The following ENTPD1 variants were observed in gnomAD, a reference collection of about 807,000 sequenced individuals.
ENTPD1 encodes ATP diphosphohydrolase.
ENTPD1 carries 33 observed loss-of-function variants against 57.0 expected under a neutral mutation model. The ratio of observed to expected loss-of-function variants is 0.58; its 90% CI spans 0.44 to 0.77. The LOEUF is 0.77. Ranked by LOEUF, ENTPD1 falls within the 30% of genes least tolerant of loss-of-function variation. The pLI is 0.00. For synonymous variants in ENTPD1, 202 were observed against 218.8 expected (o/e 0.92, Z 0.68); for missense variants, 501 against 603.4 (o/e 0.83, Z 1.78).
intron 4 of ENTPD1, among the ~76,000 whole-genome samples, chr10:95,844,147 C>T (rs1035269709): frequency 2.6e-5 from 4 of 152,072 alleles, no homozygotes; most frequent in African/African-American, 9.7e-5. Context: ...CAAACCATAC[C>T]CAGCTATCAC....
intron 2 of ENTPD1, among the ~76,000 whole-genome samples, chr10:95,824,528 C>A (rs752316596): frequency 6.6e-6 from 1 of 152,214 alleles, no homozygotes; most frequent in Admixed American, 6.5e-5. Context: ...GGGTCGCTTG[C>A]CTTTTAATGT....
chr10:95,828,093 A>G (rs546442847), intron 2 of ENTPD1, among the ~76,000 whole-genome samples: 1 of 152,306 alleles, frequency 6.6e-6, no homozygotes, highest in East Asian at 1.9e-4. Context: ...ATGGACCAGT[A>G]CAGCAGGAGG....
intron 1 of ENTPD1, among the ~76,000 whole-genome samples, chr10:95,775,247 T>TA (rs1319075057): frequency 1.3e-5 from 2 of 152,224 alleles, no homozygotes; most frequent in Admixed American, 1.3e-4. Context: ...TGGGGTTTTC[T>TA]AAATATACAA....
chr10:95,722,061 G>GGGTGTAGGTAACATTTTGAGTCA (rs1460614031), intron 1 of ENTPD1, among the ~76,000 whole-genome samples: 4 of 152,146 alleles, frequency 2.6e-5, no homozygotes, highest in Non-Finnish European at 4.4e-5. Context: ...GTGTCAGAGA[G>GGGTGTAGGTAACATTTTGAGTCA]GGTGTAGGTA....
rs2098220529 is a variant in ENTPD1 at position 95,795,030 on chromosome 10, T to G, written c.17-28207T>G. 2.6e-5 allele frequency among the ~76,000 whole-genome samples: 4 copies of G among 152,114 alleles called. No homozygotes were observed. In the South Asian group the frequency reaches 8.3e-4, roughly 32 times the overall value. ...TGGAGTATTCTAAGTAACTAGTGGA[T>G]GATGTGATTATATAGACCCTTTGAG... On this transcript the variant is annotated intron_variant, in intron 1 of 9. Coordinates refer to ENST00000371205, the MANE Select transcript of ENTPD1 (RefSeq NM_001776.6).
At position 95,876,077 on chromosome 10, in the gene ENTPD1, T is replaced by G. The variant is rs2098485450; in HGVS notation, c.*9694T>G. ...CATAAGGAAATTATTTTTACAAGGT[T>G]TGAAACCTGAAATGCAGTCTATTAT... is the stretch of plus-strand genomic sequence containing the variant. On this transcript the variant is annotated 3_prime_UTR_variant, in exon 10 of 10. Transcript: ENST00000371205. 1 of 985,300 alleles carries G rather than the reference T, an allele frequency of 1.0e-6. No homozygotes were observed. Among genetic ancestry groups the G allele is most frequent in the African/African-American group, 1.7e-5 (1 of 57,228 alleles). The allele number at this position is 985,300 out of a possible 1,614,324, so 61.0% of individuals were successfully genotyped here.
chr10:95,710,996 C>A (rs902253886), upstream of ENTPD1, among the ~76,000 whole-genome samples: 1 of 152,152 alleles, frequency 6.6e-6, no homozygotes, highest in Non-Finnish European at 1.5e-5. Context: ...TGAAGCAGAA[C>A]TGCCCTGGAT....
chr10:95,797,352 G>A (rs2098230666), intron 1 of ENTPD1, among the ~76,000 whole-genome samples: 2 of 152,094 alleles, frequency 1.3e-5, no homozygotes, highest in African/African-American at 2.4e-5. Context: ...GAAAGGCCTG[G>A]GCTGGAAATA....
intron 1 of ENTPD1, among the ~76,000 whole-genome samples, chr10:95,766,379 T>C (rs1283505758): frequency 1.3e-5 from 2 of 152,218 alleles, no homozygotes; most frequent in Non-Finnish European, 2.9e-5. Context: ...ATTGTTATCA[T>C]AGATTTACTT....
chr10:95,785,328 C>T (rs1017098735), intron 1 of ENTPD1: 2 of 152,208 alleles, frequency 1.3e-5, no homozygotes, highest in South Asian at 2.1e-4. Context: ...TACTAGCTGT[C>T]CCACCTTAGG....
chr10:95,755,498 T>A, upstream of ENTPD1: 1 of 595,906 alleles, frequency 1.7e-6, no homozygotes, highest in South Asian at 2.1e-5. Context: ...CTCATTAGAC[T>A]TCAAAGGTAG....
chr10:95,750,880 G>A (rs192575908), upstream of ENTPD1, among the ~76,000 whole-genome samples: 5 of 152,174 alleles, frequency 3.3e-5, no homozygotes, highest in Non-Finnish European at 5.9e-5. Context: ...AAAATTAGCC[G>A]GCCATGGTGG....
At chr10:95,748,900 C>T (rs999339930) in intron 1 of ENTPD1, among the ~76,000 whole-genome samples, 4 of 151,986 alleles carry the variant, frequency 2.6e-5, no homozygotes, top group African/African-American at 9.7e-5. Context: ...TGATTGCATT[C>T]CTGTTGTATT....
intron 1 of ENTPD1, among the ~76,000 whole-genome samples, chr10:95,724,190 CT>C (rs1469515989): frequency 2.1e-5 from 3 of 146,140 alleles, no homozygotes; most frequent in Non-Finnish European, 3.0e-5. Flanking sequence ...AAAAAAAGCC[CT>C]TTCCCAGATA....
At chr10:95,774,385 T>G (rs946224799) in intron 1 of ENTPD1, among the ~76,000 whole-genome samples, 1 of 152,224 alleles carries the variant, frequency 6.6e-6, no homozygotes, top group Non-Finnish European at 1.5e-5. Flanking sequence ...TTTTGGTGTT[T>G]TAGTCATGAA....
upstream of ENTPD1, chr10:95,756,080 C>T (rs2098022029): frequency 6.6e-7 from 1 of 1,511,830 alleles, no homozygotes; most frequent in Admixed American, 2.4e-5. Flanking sequence ...TTTGAGGTTC[C>T]TTCCGAAACG....
chr10:95,867,542 A>T lies in ENTPD1; in HGVS notation c.*1159A>T. On this transcript the variant is annotated 3_prime_UTR_variant, in exon 10 of 10. Transcript: ENST00000371205. ...TGGCATGCTTTTGCCCTATCGTGGA[A>T]TTTACACATCAGAATGTGCAGGATC... 1 of 985,422 alleles carries T rather than the reference A, an allele frequency of 1.0e-6. No individual in the cohort carries two copies. Among genetic ancestry groups the T allele is most frequent in the Non-Finnish European group, 1.2e-6 (1 of 829,930 alleles). The allele number at this position is 985,422 out of a possible 1,614,324, so 61.0% of individuals were successfully genotyped here. A position where few individuals can be genotyped will look rare whatever the true frequency, so the allele number is the denominator to read the frequency against.
rs2098485179 is a variant in ENTPD1 at position 95,875,814 on chromosome 10, C to T, written c.*9431C>T. 1.9e-5 allele frequency: 4 copies of T among 206,090 alleles called. No individual in the cohort carries two copies. The highest frequency in any genetic ancestry group is 3.4e-5 in the Non-Finnish European group (4 of 116,404). 12.8% of individuals were successfully genotyped at this position (206,090 alleles called of 1,614,324 possible). On this transcript the variant is annotated 3_prime_UTR_variant, in exon 10 of 10. Coordinates refer to ENST00000371205, the MANE Select transcript of ENTPD1 (RefSeq NM_001776.6). ...GCAAAAGCAGAAACCCCTGATAAAA[C>T]CATCAGATCTCGTGAGACTTATTCA...
chr10:95,839,333 T>C, intron 2 of ENTPD1: 1 of 320,040 alleles, frequency 3.1e-6, no homozygotes, highest in Non-Finnish European at 6.0e-6. Context: ...GTTTGGGGAC[T>C]ATAGATTAAT....
Sources: gnomAD v4.1 joint callset for allele counts (sites outside exome capture counted in the v4.1 genomes callset) on GRCh38, gnomAD v4.1.1 for gene constraint, MANE v1.5 for transcripts, NCBI Gene and HGNC (gene_info 2026-07-23, HGNC 2026-07-21) for gene names.